CAMK1G: variants seen among roughly 807,000 people sequenced by gnomAD.
CAMK1G encodes the protein calcium/calmodulin-dependent protein kinase type 1G.
In CAMK1G, 27 loss-of-function variants were observed where a neutral mutation model predicts 54.8. The ratio of observed to expected loss-of-function variants is 0.49; its 90% CI spans 0.36 to 0.68. The LOEUF is 0.68. Among genes scored for constraint, CAMK1G ranks in the 30% least tolerant of loss-of-function variants. CAMK1G has a pLI of 0.00. For synonymous variants in CAMK1G, 238 were observed against 224.9 expected, an observed-to-expected ratio of 1.06 and a Z score of -0.52; for missense variants, 512 against 591.0, an observed-to-expected ratio of 0.87 and a Z score of 1.39.
chr1:209,594,422 T>C (rs1665330258), intron 1 of CAMK1G, among the ~76,000 whole-genome samples: 1 of 152,244 alleles, frequency 6.6e-6, no homozygotes, highest in African/African-American at 2.4e-5. Flanking sequence ...AATGATTCAA[T>C]TTAGATTTTC....
At chr1:209,591,097 T>G (rs1159547343) in intron 1 of CAMK1G, among the ~76,000 whole-genome samples, 3 of 151,934 alleles carry the variant, frequency 2.0e-5, no homozygotes, top group Non-Finnish European at 4.4e-5. Context: ...GACTCTTATA[T>G]TCTATCTTCC....
At chr1:209,608,845 G>T in intron 7 of CAMK1G, 135 bp from the exon 8 acceptor site, 1 of 1,251,084 alleles carries the variant, frequency 8.0e-7, no homozygotes, top group South Asian at 1.5e-5. Flanking sequence ...AGGCAGATCT[G>T]CGTCCTGGTC....
chr1:209,611,439 C>G (rs768512374), intron 9 of CAMK1G, 26 bp from the exon 10 acceptor site: 1 of 1,611,834 alleles, frequency 6.2e-7, no homozygotes, highest in Admixed American at 1.7e-5. Context: ...CACCCAGTAG[C>G]CAGGTGTCCC....
At chr1:209,608,537 T>C (rs576344367) in intron 7 of CAMK1G, among the ~76,000 whole-genome samples, 26 of 152,340 alleles carry the variant, frequency 1.7e-4, no homozygotes, top group African/African-American at 5.5e-4. Context: ...CTCTCATTTA[T>C]TTACCCAACC....
chr1:209,598,700 A>G (rs542185916), intron 2 of CAMK1G, among the ~76,000 whole-genome samples: 1 of 152,336 alleles, frequency 6.6e-6, no homozygotes, highest in African/African-American at 2.4e-5. Flanking sequence ...CCACATGACA[A>G]TGAAGAGTAA....
chr1:209,585,404 C>T (rs1435228311), intron 1 of CAMK1G, among the ~76,000 whole-genome samples: 1 of 152,162 alleles, frequency 6.6e-6, no homozygotes, highest in Non-Finnish European at 1.5e-5. Context: ...TGAGTGACAT[C>T]CCAGCAACTG....
In CAMK1G at chr1:209,611,832, A is replaced by G. The variant is rs1320455959; in HGVS notation, c.956A>G (p.Lys319Arg). The G allele has an allele frequency of 1.2e-6, 2 of 1,614,070 alleles. No individual in the cohort carries two copies. The highest frequency in any genetic ancestry group is 1.7e-6 in the Non-Finnish European group (2 of 1,180,050). ...GCAGCTGTGGTGCACCACATGAGGA[A>G]GCTACACATGAACCTGCACAGCCCG... Reference protein sequence around the residue: ...NAAAVVHHMRKLHMNLHSPGV... With the variant: ...NAAAVVHHMRRLHMNLHSPGV... The change falls in exon 11 of 13, where the codon AAG (lysine) becomes AGG (arginine). Residue 319 changes from lysine (K) to arginine (R), a missense_variant. By Grantham distance (26) the Lys-to-Arg change is conservative (BLOSUM62 2). Around this residue, in one of 3 missense-constraint regions of CAMK1G, gnomAD observed 315 missense variants for 330.5 expected, o/e 0.95. Transcript: ENST00000361322.
At chr1:209,591,790 C>T (rs1665257260) in intron 1 of CAMK1G, among the ~76,000 whole-genome samples, 1 of 152,182 alleles carries the variant, frequency 6.6e-6, no homozygotes, top group African/African-American at 2.4e-5. Flanking sequence ...TGAAGTATGA[C>T]TGGTCCCACT....
intron 8 of CAMK1G, 88 bp downstream of exon 8, chr1:209,609,180 G>A (rs577254091): frequency 1.3e-6 from 2 of 1,504,544 alleles, no homozygotes; most frequent in Admixed American, 3.5e-5. Context: ...GACAGTCCCG[G>A]CTCTTCAAAG....
chr1:209,589,312 C>A (rs1006356231), intron 1 of CAMK1G, among the ~76,000 whole-genome samples: 3 of 152,162 alleles, frequency 2.0e-5, no homozygotes, highest in African/African-American at 4.8e-5. Flanking sequence ...CCATCCCAGG[C>A]ACTAGTGTCC....
chr1:209,605,595 A>C lies in CAMK1G; in HGVS notation c.356A>C (p.Asp119Ala). 1 of 1,614,190 alleles carries C rather than the reference A, an allele frequency of 6.2e-7. No individual in the cohort carries two copies. Among genetic ancestry groups the C allele is most frequent in the Non-Finnish European group, 8.5e-7 (1 of 1,180,022 alleles). The change falls in exon 5 of 13, where the codon GAT becomes GCT. Residue 119 changes from aspartate (D) to alanine (A), a missense_variant. By Grantham distance (126) the Asp-to-Ala change is moderately radical (BLOSUM62 -2). This residue lies in a region of CAMK1G where 186 missense variants were observed against 231.5 expected (regional missense o/e 0.80). Coordinates refer to ENST00000361322, the MANE Select transcript of CAMK1G (RefSeq NM_020439.3). Reference sequence around the variant, plus strand: ...GAGCGGGGTGTCTACACAGAGAAGGATGCCAGTCTGGTGATCCAGCAGGTC... The same window carrying C: ...GAGCGGGGTGTCTACACAGAGAAGGCTGCCAGTCTGGTGATCCAGCAGGTC... The part of the protein sequence containing the change: ...ILERGVYTEK[D>A]ASLVIQQVLS...
Position 209,603,280 on chromosome 1 carries a change from C to T in CAMK1G, c.288C>T (p.Val96=), listed in dbSNP as rs1252271457. ...AGAGCACCACCCACTACTACCTGGT[C>T]ATGCAGCTGTAAGTAAAAGGTGACT... is the stretch of plus-strand genomic sequence containing the variant. ...IYESTTHYYL[V]MQLVSGGELF... is the part of the protein sequence containing the mutation. The change falls in exon 4 of 13, where the codon GTC becomes GTT. Residue 96 remains valine, a synonymous_variant. Transcript: ENST00000361322. The T allele has an allele frequency of 8.1e-6, 13 of 1,613,510 alleles. No individual in the cohort carries two copies. Among genetic ancestry groups the T allele is most frequent in the Non-Finnish European group, 1.0e-5 (12 of 1,179,576 alleles).
rs766448550 is a variant in CAMK1G at position 209,609,619 on chromosome 1, G to A, written c.749-232G>A. On this transcript the variant is annotated intron_variant, in intron 8 of 12. Transcript: ENST00000361322. ...ACATGGGGGCCTTGTGACTAGTGAC[G>A]CTTCTGCAGTGCTGTGTGGGTGAGG... Among the ~76,000 whole-genome samples, 14 of 152,240 alleles carry A rather than the reference G, an allele frequency of 9.2e-5. No individual in the cohort carries two copies. The South Asian group carries it at 1.4e-3, about 16-fold the overall frequency.
chr1:209,605,426 G>T lies in CAMK1G; in HGVS notation c.297-110G>T, dbSNP rs35508847. The T allele has an allele frequency of 7.6e-4, 1,008 of 1,322,466 alleles. 6 individuals are homozygous for T. The African/African-American group carries it at 0.013, about 17-fold the overall frequency. 81.9% of individuals were successfully genotyped at this position (1,322,466 alleles called of 1,614,324 possible). On this transcript the variant is annotated intron_variant, in intron 4 of 12. Coordinates refer to ENST00000361322, the MANE Select transcript of CAMK1G (RefSeq NM_020439.3). ...CAGCCCTTCAATCACAGTTCATGGG[G>T]GCCTGCCTGTTCCACTGCAGCTGTG... is the stretch of plus-strand genomic sequence containing the variant.
chr1:209,598,687 C>T (rs192859265), intron 2 of CAMK1G, among the ~76,000 whole-genome samples: 311 of 152,330 alleles, frequency 2.0e-3, no homozygotes, highest in Non-Finnish European at 3.0e-3. Context: ...AACTCAGCAG[C>T]GCCCACATGA....
chr1:209,609,504 A>G (rs1665728470), intron 8 of CAMK1G, among the ~76,000 whole-genome samples: 1 of 152,332 alleles, frequency 6.6e-6, no homozygotes, highest in East Asian at 1.9e-4. Flanking sequence ...TGGAAATCAG[A>G]GCTGGAACAA....
intron 3 of CAMK1G, among the ~76,000 whole-genome samples, chr1:209,602,424 A>G (rs1665552128): frequency 6.6e-6 from 1 of 152,214 alleles, no homozygotes; most frequent in South Asian, 2.1e-4. Flanking sequence ...TTGGAACACT[A>G]ATTTTTCAAC....
intron 1 of CAMK1G, among the ~76,000 whole-genome samples, chr1:209,587,329 A>G (rs530773436): frequency 1.3e-4 from 20 of 152,234 alleles, no homozygotes; most frequent in African/African-American, 4.6e-4. Context: ...AGAATTACAA[A>G]GCATTAGAGA....
chr1:209,586,001 G>C (rs1335909922), intron 1 of CAMK1G, among the ~76,000 whole-genome samples: 4 of 152,242 alleles, frequency 2.6e-5, no homozygotes, highest in Admixed American at 6.5e-5. Context: ...GGACTGCACG[G>C]ACTATCCAGG....
Sources: allele counts gnomAD v4.1 joint callset (sites outside exome capture counted in the v4.1 genomes callset), GRCh38; gene constraint gnomAD v4.1.1; regional missense constraint gnomAD v4.1.1; transcripts MANE v1.5; gene names NCBI Gene and HGNC (gene_info 2026-07-23, HGNC 2026-07-21).